TBC1D19: variants seen among roughly 807,000 people sequenced by gnomAD.
The protein encoded by TBC1D19 is TBC1 domain family, member 19.
In TBC1D19, 60 loss-of-function variants were observed where a neutral mutation model predicts 89.0. The ratio of observed to expected loss-of-function variants is 0.67; its 90% CI spans 0.55 to 0.84. The LOEUF is 0.84. Ranked by LOEUF, TBC1D19 falls within the 40% of genes least tolerant of loss-of-function variation. The probability of loss-of-function intolerance (pLI) is 0.00; values close to 1 mark genes in which losing one functional copy is unlikely to be tolerated. For missense variants in TBC1D19, 500 were observed against 610.8 expected, an observed-to-expected ratio of 0.82 and a Z score of 1.91; for synonymous variants, 189 against 199.7, an observed-to-expected ratio of 0.95 and a Z score of 0.45.
chr4:26,618,271 G>A (rs775804668), intron 3 of TBC1D19, among the ~76,000 whole-genome samples: 4 of 152,188 alleles, frequency 2.6e-5, no homozygotes, highest in African/African-American at 4.8e-5. Flanking sequence ...CAAGGAACAC[G>A]TAAGGCCGGC....
chr4:26,742,726 C>G (rs959474131), intron 18 of TBC1D19, 127 bp downstream of exon 18: 1 of 563,054 alleles, frequency 1.8e-6, no homozygotes, highest in Non-Finnish European at 2.9e-6. Flanking sequence ...CCTAATAAAA[C>G]TATAATTATC....
chr4:26,648,579 A>G (rs1744118531), intron 7 of TBC1D19, among the ~76,000 whole-genome samples: 2 of 152,220 alleles, frequency 1.3e-5, no homozygotes, highest in Admixed American at 1.3e-4. Flanking sequence ...TATTTACTGA[A>G]TGAATGAATA....
At chr4:26,578,195 G>A (rs543452856) in intron 1 of TBC1D19, among the ~76,000 whole-genome samples, 5 of 152,214 alleles carry the variant, frequency 3.3e-5, no homozygotes, top group East Asian at 1.9e-4. Flanking sequence ...CAGTGGGCCC[G>A]CCAGTTATGC....
At chr4:26,739,083 A>G (rs925601900) in intron 16 of TBC1D19, among the ~76,000 whole-genome samples, 4 of 152,320 alleles carry the variant, frequency 2.6e-5, no homozygotes, top group South Asian at 4.1e-4. Flanking sequence ...TGCCTAAAAT[A>G]CTTAAGGCTT....
intron 13 of TBC1D19, among the ~76,000 whole-genome samples, chr4:26,701,816 CCTT>C (rs1715356971): frequency 6.6e-6 from 1 of 152,134 alleles, no homozygotes; most frequent in Non-Finnish European, 1.5e-5. Flanking sequence ...AGTTTTTGGT[CCTT>C]CTTATGCCAT....
the TBC1D19 span, among the ~76,000 whole-genome samples, chr4:26,784,359 T>G: frequency 6.6e-6 from 1 of 152,166 alleles, no homozygotes; most frequent in African/African-American, 2.4e-5. Context: ...CTTTGTTCCA[T>G]AAGTCCAGTA....
intron 1 of TBC1D19, among the ~76,000 whole-genome samples, chr4:26,590,112 G>A (rs762078475): frequency 6.6e-6 from 1 of 152,178 alleles, no homozygotes; most frequent in Non-Finnish European, 1.5e-5. Flanking sequence ...TTACTGTCTT[G>A]TATGGTAGCT....
At chr4:26,779,963 G>T in the TBC1D19 span, among the ~76,000 whole-genome samples, 4 of 152,194 alleles carry the variant, frequency 2.6e-5, no homozygotes, top group Non-Finnish European at 4.4e-5. Flanking sequence ...GGCAGAGTGG[G>T]AAATCTTGCT....
chr4:26,805,970 CA>C, the TBC1D19 span, among the ~76,000 whole-genome samples: 1 of 149,604 alleles, frequency 6.7e-6, no homozygotes, highest in Non-Finnish European at 1.5e-5. Context: ...GACTTGGTCT[CA>C]AAAAAAAAGG....
chr4:26,666,248 AG>A, intron 8 of TBC1D19, 84 bp from the exon 9 acceptor site: 1 of 1,082,602 alleles, frequency 9.2e-7, no homozygotes, highest in East Asian at 2.4e-5. Context: ...TTTTTATTCA[AG>A]CTAATGTTAA....
At chr4:26,772,765 C>A in the TBC1D19 span, among the ~76,000 whole-genome samples, 2 of 152,160 alleles carry the variant, frequency 1.3e-5, no homozygotes, top group South Asian at 2.1e-4. Flanking sequence ...TGGCTTCCAA[C>A]TCCATTCATG....
At chr4:26,786,190 C>T in the TBC1D19 span, among the ~76,000 whole-genome samples, 136 of 152,298 alleles carry the variant, frequency 8.9e-4, no homozygotes, top group African/African-American at 3.1e-3. Flanking sequence ...GCCACCTTGC[C>T]TCTTGCTCCT....
At chr4:26,831,578 C>CTTTTTTTTTTTTTTTTTTTTTTTTT in the TBC1D19 span, among the ~76,000 whole-genome samples, 1 of 123,370 alleles carries the variant, frequency 8.1e-6, no homozygotes, top group Non-Finnish European at 1.6e-5. Flanking sequence ...TCTTTTTCTT[C>CTTTTTTTTTTTTTTTTTTTTTTTTT]TTTTTTTTTT....
the TBC1D19 span, among the ~76,000 whole-genome samples, chr4:26,836,160 C>T: frequency 1.8e-3 from 269 of 152,284 alleles, 3 homozygotes; most frequent in African/African-American, 6.1e-3. Flanking sequence ...CCTGACACTT[C>T]GACCTCCCCT....
chr4:26,760,077 G>A (rs1719407972), downstream of TBC1D19, among the ~76,000 whole-genome samples: 1 of 152,204 alleles, frequency 6.6e-6, no homozygotes, highest in South Asian at 2.1e-4. Context: ...GCCACCAACA[G>A]TATATGAGTT....
intron 1 of TBC1D19, among the ~76,000 whole-genome samples, chr4:26,588,881 T>C (rs1739594456): frequency 6.6e-6 from 1 of 152,234 alleles, no homozygotes; most frequent in Admixed American, 6.5e-5. Context: ...TTAGGTCTAG[T>C]AGGCAATTTT....
intron 15 of TBC1D19, among the ~76,000 whole-genome samples, chr4:26,735,075 C>CATGTATATATGTATACACATGTATAT (rs1388214349): frequency 1.0e-4 from 15 of 150,186 alleles, no homozygotes; most frequent in African/African-American, 3.7e-4. Flanking sequence ...TATGTATACA[C>CATGTATATATGTATACACATGTATAT]ATGTATATAT....
intron 6 of TBC1D19, 105 bp from the exon 7 acceptor site, chr4:26,640,036 A>G: frequency 2.6e-6 from 2 of 783,704 alleles, no homozygotes; most frequent in Non-Finnish European, 4.1e-6. Context: ...AAATGTTTGA[A>G]TTAATCTATC....
rs1741869898 is a variant in TBC1D19 at position 26,619,037 on chromosome 4, G to A, written c.219-1576G>A. 1.3e-5 allele frequency among the ~76,000 whole-genome samples: 2 copies of A among 151,968 alleles called. 1 individual carries two copies. Among genetic ancestry groups the A allele is most frequent in the South Asian group, 4.2e-4 (2 of 4,818 alleles). ...TCTGTATCTCTTTTATATTGAGTAG[G>A]TTGTCATTAAATATTTCTGAAAAAA... On this transcript the variant is annotated intron_variant, in intron 3 of 20. Transcript: ENST00000264866.
Sources: gnomAD v4.1 joint callset for allele counts (sites outside exome capture counted in the v4.1 genomes callset) on GRCh38, gnomAD v4.1.1 for gene constraint, MANE v1.5 for transcripts, NCBI Gene and HGNC (gene_info 2026-07-23, HGNC 2026-07-21) for gene names.